ITPR1: variants seen among roughly 807,000 people sequenced by gnomAD.
The protein encoded by ITPR1 is inositol 1,4,5-trisphosphate-gated calcium channel ITPR1.
In ITPR1, 96 loss-of-function variants were observed where a neutral mutation model predicts 318.4. The observed-to-expected ratio is 0.30, with a 90% CI of 0.26 to 0.36. The LOEUF is 0.36. ITPR1 is among the 10% of genes least tolerant of loss of function. ITPR1 has a pLI of 1.00. For missense variants in ITPR1, 2,440 were observed against 3,460.2 expected (o/e 0.71, Z 7.40); for synonymous variants, 1,312 against 1,289.9 (o/e 1.02, Z -0.37).
chr3:4,768,826 C>T, intron 46 of ITPR1, 62 bp downstream of exon 46: 5 of 1,524,606 alleles, frequency 3.3e-6, no homozygotes, highest in Non-Finnish European at 4.5e-6. Flanking sequence ...GCCTGCCTTC[C>T]TCTGATGGTT....
chr3:4,683,386 T>G lies in ITPR1; in HGVS notation c.3162T>G (p.Ser1054Arg), dbSNP rs778093371. 1 of 1,614,006 alleles carries G rather than the reference T, an allele frequency of 6.2e-7. No individual in the cohort carries two copies. The highest frequency in any genetic ancestry group is 8.5e-7 in the Non-Finnish European group (1 of 1,179,874). The change falls in exon 27 of 62, where the codon AGT (serine) becomes AGG (arginine). Residue 1054 changes from serine (S) to arginine (R), a missense_variant and splice_region_variant. Coordinates refer to ENST00000649015, the MANE Select transcript of ITPR1 (RefSeq NM_001378452.1). ...CTTTCCCCACCTTGTGCTCCTTTAGTGAGGAGAACACCCCACTGGACTTGG... is the reference window on the plus strand; with the variant it reads ...CTTTCCCCACCTTGTGCTCCTTTAGGGAGGAGAACACCCCACTGGACTTGG... ...EEQAEGIFGG[S>R]EENTPLDLDD... is the part of the protein sequence containing the mutation.
At chr3:4,541,775 G>A (rs1394572498) in intron 4 of ITPR1, among the ~76,000 whole-genome samples, 1 of 151,986 alleles carries the variant, frequency 6.6e-6, no homozygotes, top group Admixed American at 6.6e-5. Flanking sequence ...ACCAGCACGT[G>A]CCACCATGCC....
intron 61 of ITPR1, among the ~76,000 whole-genome samples, chr3:4,838,603 A>G (rs922907852): frequency 6.6e-6 from 1 of 152,276 alleles, no homozygotes; most frequent in Non-Finnish European, 1.5e-5. Flanking sequence ...TCAGTTCTCC[A>G]TAAAATCTGG....
In ITPR1 at chr3:4,706,653, G is replaced by A. The variant is rs187867343; in HGVS notation, c.4842+302G>A. Among the ~76,000 whole-genome samples the A allele has an allele frequency of 1.0e-3, 153 of 152,286 alleles. 1 individual carries two copies. Among genetic ancestry groups the A allele is most frequent in the African/African-American group, 3.5e-3 (146 of 41,562 alleles). ...TGAAGTATTACAGAGGATGTTTAGA[G>A]TAAGAGCATAAATGTTCCATTTTCC... On this transcript the variant is annotated intron_variant, in intron 37 of 61. Coordinates refer to ENST00000649015, the MANE Select transcript of ITPR1 (RefSeq NM_001378452.1).
intron 44 of ITPR1, among the ~76,000 whole-genome samples, chr3:4,752,719 G>A (rs2044637003): frequency 6.6e-6 from 1 of 152,210 alleles, no homozygotes; most frequent in Non-Finnish European, 1.5e-5. Flanking sequence ...AGCTGGCCTT[G>A]AACTCCTGGG....
chr3:4,792,527 T>C (rs944676171), intron 52 of ITPR1, among the ~76,000 whole-genome samples: 9 of 152,206 alleles, frequency 5.9e-5, no homozygotes, highest in African/African-American at 1.9e-4. Flanking sequence ...CAGCCAGGGC[T>C]GCCATCATTT....
At chr3:4,623,679 A>G (rs1043885088) in intron 4 of ITPR1, among the ~76,000 whole-genome samples, 1 of 152,236 alleles carries the variant, frequency 6.6e-6, no homozygotes, top group African/African-American at 2.4e-5. Flanking sequence ...GCAATATGGA[A>G]CCTGCAAATT....
At chr3:4,500,578 A>G (rs147191335) in intron 2 of ITPR1, among the ~76,000 whole-genome samples, 29 of 152,330 alleles carry the variant, frequency 1.9e-4, no homozygotes, top group African/African-American at 6.3e-4. Flanking sequence ...CGAGAAGACA[A>G]ATTAAAATGA....
chr3:4,824,960 C>T (rs1395672918), intron 60 of ITPR1, among the ~76,000 whole-genome samples: 1 of 152,206 alleles, frequency 6.6e-6, no homozygotes, highest in Non-Finnish European at 1.5e-5. Context: ...CAGGGAATGA[C>T]ATGTCCTTTG....
At chr3:4,496,406 G>A (rs1342620831) in intron 2 of ITPR1, among the ~76,000 whole-genome samples, 5 of 152,108 alleles carry the variant, frequency 3.3e-5, no homozygotes, top group Admixed American at 3.3e-4. Flanking sequence ...ATCCTTTCAA[G>A]ATATCATTCT....
At chr3:4,783,963 C>T (rs753843596) in intron 51 of ITPR1, 43 bp downstream of exon 51, 31 of 1,351,606 alleles carry the variant, frequency 2.3e-5, no homozygotes, top group Non-Finnish European at 3.0e-5. Flanking sequence ...GTGTTGAGGC[C>T]ATTAGTGTGC....
intron 60 of ITPR1, among the ~76,000 whole-genome samples, chr3:4,825,236 G>A (rs2049997806): frequency 6.6e-6 from 1 of 152,118 alleles, no homozygotes; most frequent in South Asian, 2.1e-4. Context: ...TTTCCAGTTT[G>A]TTCCATTACG....
chr3:4,784,586 AAAG>A (rs2047052201), intron 51 of ITPR1, among the ~76,000 whole-genome samples: 8 of 150,940 alleles, frequency 5.3e-5, no homozygotes, highest in African/African-American at 1.7e-4. Flanking sequence ...TTTTTTTAAA[AAAG>A]GTGTCATGTG....
chr3:4,590,211 A>G (rs1264182854), intron 4 of ITPR1, among the ~76,000 whole-genome samples: 1 of 124,910 alleles, frequency 8.0e-6, no homozygotes, highest in Non-Finnish European at 1.6e-5. Flanking sequence ...CATAGCAGGT[A>G]CTACTCTCAA....
intron 4 of ITPR1, among the ~76,000 whole-genome samples, chr3:4,570,011 A>G (rs1397522308): frequency 6.6e-6 from 1 of 152,166 alleles, no homozygotes; most frequent in Admixed American, 6.5e-5. Flanking sequence ...ATGAGTCCCA[A>G]CTGTAATAGC....
intron 45 of ITPR1, 55 bp downstream of exon 45, chr3:4,766,765 G>A: frequency 7.3e-7 from 1 of 1,377,922 alleles, no homozygotes; most frequent in African/African-American, 1.4e-5. Context: ...AAGAGTCCTT[G>A]TTATCCTTCA....
At chr3:4,524,606 C>G (rs1354930568) in intron 4 of ITPR1, among the ~76,000 whole-genome samples, 1 of 152,208 alleles carries the variant, frequency 6.6e-6, no homozygotes, top group African/African-American at 2.4e-5. Context: ...TTTGCTCTTG[C>G]TTCCATTGTT....
rs556897785 is a variant in ITPR1 at position 4,828,586 on chromosome 3, C to T, written c.8029-8188C>T. 1.3e-4 allele frequency among the ~76,000 whole-genome samples: 20 copies of T among 152,282 alleles called. No individual in the cohort carries two copies. In the South Asian group the frequency reaches 3.3e-3, roughly 25 times the overall value. ...GTGTGCACCCTGTGTACCATGGTCC[C>T]TGTGCACCATGGCACCCTGTGGGTG... On this transcript the variant is annotated intron_variant, in intron 60 of 61. Transcript: ENST00000649015.
At chr3:4,747,245 A>G (rs1427737421) in intron 44 of ITPR1, among the ~76,000 whole-genome samples, 1 of 152,176 alleles carries the variant, frequency 6.6e-6, no homozygotes, top group Non-Finnish European at 1.5e-5. Context: ...GCATGGTCTC[A>G]TCCATCTTCC....
Sources: allele counts gnomAD v4.1 joint callset (sites outside exome capture counted in the v4.1 genomes callset), GRCh38; gene constraint gnomAD v4.1.1; transcripts MANE v1.5; gene names NCBI Gene and HGNC (gene_info 2026-07-23, HGNC 2026-07-21).